RPS6KA2: variants seen among roughly 807,000 people sequenced by gnomAD.
RPS6KA2 encodes ribosomal protein S6 kinase A2, also known as ribosomal protein S6 kinase alpha-2.
RPS6KA2 carries 42 observed loss-of-function variants against 91.8 expected under a neutral mutation model. The ratio of observed to expected loss-of-function variants is 0.46; its 90% CI spans 0.36 to 0.59. RPS6KA2 has a LOEUF of 0.59. Ranked by LOEUF, RPS6KA2 falls within the 20% of genes least tolerant of loss-of-function variation. The pLI is 0.00. For synonymous variants in RPS6KA2, 414 were observed against 393.6 expected (o/e 1.05, Z -0.61); for missense variants, 798 against 978.5 (o/e 0.82, Z 2.46).
At chr6:166,598,206 C>T (rs1785607595) in intron 1 of RPS6KA2, among the ~76,000 whole-genome samples, 1 of 152,182 alleles carries the variant, frequency 6.6e-6, no homozygotes, top group African/African-American at 2.4e-5. Context: ...CAAATTGGAG[C>T]ACAGGACGGC....
intron 17 of RPS6KA2, among the ~76,000 whole-genome samples, chr6:166,421,746 C>G (rs188475632): frequency 1.3e-5 from 2 of 152,252 alleles, no homozygotes; most frequent in African/African-American, 4.8e-5. Context: ...TTCTTTTTCT[C>G]TTGTTAATCT....
intron 1 of RPS6KA2, among the ~76,000 whole-genome samples, chr6:166,550,785 A>C (rs9459690): frequency 2.0e-5 from 3 of 151,624 alleles, no homozygotes; most frequent in Admixed American, 6.6e-5. Flanking sequence ...GTCAGATCAC[A>C]AGGTCAGGAG....
chr6:166,631,178 T>C (rs1463020195), upstream of RPS6KA2, among the ~76,000 whole-genome samples: 2 of 152,210 alleles, frequency 1.3e-5, no homozygotes, highest in Non-Finnish European at 2.9e-5. Flanking sequence ...AAAGTCTTAA[T>C]GCGTAAAAGT....
chr6:166,449,690 G>A (rs1779789601), intron 13 of RPS6KA2, among the ~76,000 whole-genome samples: 1 of 152,126 alleles, frequency 6.6e-6, no homozygotes, highest in South Asian at 2.1e-4. Flanking sequence ...TCTTCCCAGG[G>A]CTTTACCTTC....
chr6:166,448,585 C>T lies in RPS6KA2; in HGVS notation c.1332+139G>A. Reference sequence around the variant, plus strand: ...GCTGTGCTCCTATGCTCCGTGCTCCCATGTGCTGTACATGCTCCCACACGC... The same window carrying T: ...GCTGTGCTCCTATGCTCCGTGCTCCTATGTGCTGTACATGCTCCCACACGC... On this transcript the variant is annotated intron_variant, in intron 14 of 20. Coordinates refer to ENST00000265678, the MANE Select transcript of RPS6KA2 (RefSeq NM_021135.6). This position sits in a 1 kb window ranked among gnomAD's most constrained non-coding sequence, Gnocchi z 4.7. The T allele has an allele frequency of 9.2e-7, 1 of 1,091,468 alleles. No homozygotes were observed. Among genetic ancestry groups the T allele is most frequent in the Non-Finnish European group, 1.3e-6 (1 of 773,494 alleles). The allele number at this position is 1,091,468 out of a possible 1,614,324, so 67.6% of individuals were successfully genotyped here. A position where few individuals can be genotyped will look rare whatever the true frequency, so the allele number is the denominator to read the frequency against.
intron 2 of RPS6KA2, among the ~76,000 whole-genome samples, chr6:166,816,314 G>A (rs1779760330): frequency 6.6e-6 from 1 of 151,332 alleles, no homozygotes; most frequent in South Asian, 2.1e-4. Context: ...GGGAGGCCAA[G>A]GAGGGTGGAT....
intron 2 of RPS6KA2, among the ~76,000 whole-genome samples, chr6:166,837,929 G>A (rs9459771): frequency 0.19 from 28,247 of 152,260 alleles, 2,860 homozygotes; most frequent in African/African-American, 0.23. Flanking sequence ...GCTTGCACAT[G>A]GAAATGGAAA....
At chr6:166,473,949 T>G (rs1780864308) in intron 10 of RPS6KA2, among the ~76,000 whole-genome samples, 1 of 151,986 alleles carries the variant, frequency 6.6e-6, no homozygotes, top group South Asian at 2.1e-4. Flanking sequence ...GGTTTTTTTT[T>G]TTTTTTTTTT....
chr6:166,684,738 C>A (rs1223657668), intron 2 of RPS6KA2, among the ~76,000 whole-genome samples: 15 of 152,242 alleles, frequency 9.9e-5, no homozygotes, highest in Non-Finnish European at 1.6e-4. Context: ...CCGAAAGCCT[C>A]ACCTCCAGCC....
intron 2 of RPS6KA2, among the ~76,000 whole-genome samples, chr6:166,647,825 CAT>C (rs202069235): frequency 9.0e-5 from 12 of 133,290 alleles, no homozygotes; most frequent in East Asian, 2.4e-4. Context: ...TGCTCACACA[CAT>C]GCACATGCTC....
chr6:166,748,124 T>A (rs1352448031), intron 2 of RPS6KA2, among the ~76,000 whole-genome samples: 1 of 152,152 alleles, frequency 6.6e-6, no homozygotes, highest in Non-Finnish European at 1.5e-5. Flanking sequence ...TTGTATAGAC[T>A]CTGTAACTTT....
chr6:166,777,694 T>C (rs1778661817), intron 2 of RPS6KA2, among the ~76,000 whole-genome samples: 1 of 152,236 alleles, frequency 6.6e-6, no homozygotes, highest in Non-Finnish European at 1.5e-5. Context: ...AGTATAAATC[T>C]CTACAGAATC....
At position 166,568,621 on chromosome 6, in the gene RPS6KA2, GAAAAAAAAAAAAAAAAAAAAAAAA is replaced by G. The variant is rs60613942; in HGVS notation, c.100-29861_100-29838del. The stretch of plus-strand genomic sequence containing the variant: ...ACAACAAGAGCAAAACTCCATCTCA[GAAAAAAAAAAAAAAAAAAAAAAAA>G]AAAAAAAAAAAAAAAAGCAAAATTT... On this transcript the variant is annotated intron_variant, in intron 1 of 20. Transcript: ENST00000265678. Among the ~76,000 whole-genome samples, 208 of 45,552 alleles carry G rather than the reference GAAAAAAAAAAAAAAAAAAAAAAAA, an allele frequency of 4.6e-3. 1 individual carries two copies. The highest frequency in any genetic ancestry group is 0.014 in the African/African-American group (181 of 13,170). The allele number at this position is 45,552 out of a possible 152,430, so 29.9% of individuals were successfully genotyped here.
Position 166,432,419 on chromosome 6 carries a change from G to A in RPS6KA2, c.1404C>T (p.Asn468=). ...EILLRYGQHP[N]IITLKDVYDD... ...CACTCACATCCTTGAGGGTGATGAT[G>A]TTCGGGTGCTGGCCGTACCGCAGGA... The change falls in exon 15 of 21, where the codon AAC becomes AAT. Residue 468 remains asparagine (N), a synonymous_variant. Transcript: ENST00000265678. 1.9e-6 allele frequency: 3 copies of A among 1,612,474 alleles called. No individual in the cohort carries two copies. Among genetic ancestry groups the A allele is most frequent in the African/African-American group, 2.7e-5 (2 of 75,010 alleles).
At chr6:166,801,435 T>C (rs894050795) in intron 2 of RPS6KA2, among the ~76,000 whole-genome samples, 1 of 152,168 alleles carries the variant, frequency 6.6e-6, no homozygotes, top group Non-Finnish European at 1.5e-5. Flanking sequence ...CTCCAACTCA[T>C]AGGCTAAAGT....
intron 1 of RPS6KA2, among the ~76,000 whole-genome samples, chr6:166,607,678 C>T (rs1786003147): frequency 6.6e-6 from 1 of 152,158 alleles, no homozygotes; most frequent in Admixed American, 6.5e-5. Flanking sequence ...GATGTGGTAA[C>T]AGTTGCACAA....
intron 2 of RPS6KA2, among the ~76,000 whole-genome samples, chr6:166,768,370 G>A (rs1051030748): frequency 6.6e-6 from 1 of 152,212 alleles, no homozygotes; most frequent in South Asian, 2.1e-4. Flanking sequence ...TGAAACTAGA[G>A]GCACCTTGCA....
intron 2 of RPS6KA2, among the ~76,000 whole-genome samples, chr6:166,775,358 C>A (rs939539159): frequency 5.3e-5 from 8 of 151,670 alleles, no homozygotes; most frequent in African/African-American, 1.9e-4. Context: ...CAAATTTGCA[C>A]GTCTACCACT....
rs572665828 is a variant in RPS6KA2, at chr6:166,737,779, T to C, written c.123+120421A>G. Among the ~76,000 whole-genome samples the C allele has an allele frequency of 2.6e-5, 4 of 152,354 alleles. No homozygotes were observed. The East Asian group carries it at 7.7e-4, about 29-fold the overall frequency. On this transcript the variant is annotated intron_variant, in intron 2 of 21. Transcript: ENST00000503859. The surrounding 1 kb of genome is among the most constrained non-coding windows in gnomAD (Gnocchi z 4.3). ...GCCGTACCCAAAATAGTATATTCCC[T>C]GTTTAGACGAACTCTAAATTAAACT...
Sources: gnomAD v4.1 joint callset for allele counts (sites outside exome capture counted in the v4.1 genomes callset) on GRCh38, gnomAD v4.1.1 for gene constraint, Gnocchi (gnomAD v3.1) non-coding constraint, MANE v1.5 for transcripts, NCBI Gene and HGNC (gene_info 2026-07-23, HGNC 2026-07-21) for gene names.